LRRC63: variants seen among roughly 807,000 people sequenced by gnomAD.
The protein encoded by LRRC63 is leucine-rich repeat-containing protein 63.
Under a neutral mutation model 49.5 loss-of-function variants are expected in LRRC63, and 40 were observed. That is an observed-to-expected ratio of 0.81 (90% confidence interval 0.63 to 1.05). LRRC63 has a LOEUF of 1.05. Among genes scored for constraint, LRRC63 ranks in the 50% least tolerant of loss-of-function variants. The probability of loss-of-function intolerance (pLI) is 0.00; values close to 1 mark genes in which losing one functional copy is unlikely to be tolerated. For missense variants in LRRC63, 636 were observed against 663.1 expected (o/e 0.96, Z 0.45); for synonymous variants, 191 against 221.1 (o/e 0.86, Z 1.21).
At chr13:46,217,917 T>G (rs1002271166) in intron 2 of LRRC63, among the ~76,000 whole-genome samples, 2 of 152,216 alleles carry the variant, frequency 1.3e-5, no homozygotes, top group Non-Finnish European at 2.9e-5. Context: ...TTGTGCAGTT[T>G]TGAGTGAGTT....
At chr13:46,223,469 C>A (rs1464721890) in intron 2 of LRRC63, among the ~76,000 whole-genome samples, 1 of 146,392 alleles carries the variant, frequency 6.8e-6, no homozygotes, top group African/African-American at 2.6e-5. Context: ...CTCTTCTTGG[C>A]TGACAGTTTT....
intron 9 of LRRC63, among the ~76,000 whole-genome samples, chr13:46,273,801 A>T (rs2047793249): frequency 6.6e-6 from 1 of 151,386 alleles, no homozygotes; most frequent in Non-Finnish European, 1.5e-5. Flanking sequence ...AATCCTAGCT[A>T]CTTGGGAGGC....
intron 5 of LRRC63, among the ~76,000 whole-genome samples, chr13:46,235,473 T>A (rs1263859104): frequency 1.2e-4 from 19 of 152,034 alleles, no homozygotes; most frequent in Admixed American, 1.2e-3. Context: ...CAATAGTAGA[T>A]GTGATCAGGC....
chr13:46,274,956 T>A (rs2047813488), intron 9 of LRRC63, among the ~76,000 whole-genome samples: 1 of 152,132 alleles, frequency 6.6e-6, no homozygotes, highest in African/African-American at 2.4e-5. Flanking sequence ...TACCTGTGAT[T>A]TTTTTTCCAT....
intron 5 of LRRC63, among the ~76,000 whole-genome samples, chr13:46,245,733 G>T (rs1278348009): frequency 6.6e-6 from 1 of 152,140 alleles, no homozygotes; most frequent in Non-Finnish European, 1.5e-5. Flanking sequence ...AGAAGTTTCA[G>T]ATAGATGCTA....
rs116285442 is a variant in LRRC63, at chr13:46,246,693, C to T, written c.1089+68C>T. 3.7e-3 allele frequency: 2,661 copies of T among 726,080 alleles called. 63 individuals carry two copies. The African/African-American group carries it at 0.042, about 11-fold the overall frequency. 45.0% of individuals were successfully genotyped at this position (726,080 alleles called of 1,614,324 possible). On this transcript the variant is annotated intron_variant, in intron 6 of 9. Coordinates refer to ENST00000595396, the Ensembl canonical transcript of LRRC63. ...GAATAATAATTATAATAAAAATAGA[C>T]GTCTTTTAATACCTTGAAGTTACTA...
chr13:46,250,911 T>C (rs1449080022), intron 7 of LRRC63, among the ~76,000 whole-genome samples: 1 of 151,888 alleles, frequency 6.6e-6, no homozygotes, highest in Non-Finnish European at 1.5e-5. Context: ...TTGGCCTCAA[T>C]TTCCTAATCT....
intron 7 of LRRC63, among the ~76,000 whole-genome samples, chr13:46,252,582 G>A (rs1385552179): frequency 1.3e-5 from 2 of 152,074 alleles, no homozygotes; most frequent in East Asian, 1.9e-4. Context: ...TAATGGAGAT[G>A]TACACAGTAA....
exon 4 of LRRC63, chr13:46,228,714 C>T: frequency 6.5e-7 from 1 of 1,542,768 alleles, no homozygotes; most frequent in Admixed American, 2.0e-5. Flanking sequence ...CAAAGCAAAT[C>T]CCACCAAGAC....
chr13:46,239,400 A>C (rs115975761), intron 5 of LRRC63, among the ~76,000 whole-genome samples: 3,033 of 152,250 alleles, frequency 0.02, 101 homozygotes, highest in African/African-American at 0.069. Context: ...AGATGGATAA[A>C]TTCCCAGACA....
intron 5 of LRRC63, among the ~76,000 whole-genome samples, chr13:46,240,085 C>A (rs1280202698): frequency 6.6e-6 from 1 of 151,202 alleles, no homozygotes; most frequent in African/African-American, 2.4e-5. Flanking sequence ...CCCTTAAAAA[C>A]TGGAACAAGT....
intron 2 of LRRC63, among the ~76,000 whole-genome samples, chr13:46,221,587 A>G (rs1286782920): frequency 3.3e-5 from 5 of 152,214 alleles, no homozygotes; most frequent in South Asian, 2.1e-4. Context: ...TTTAATTTTT[A>G]TTTTCCCATT....
At chr13:46,274,411 C>G (rs2047803288) in intron 9 of LRRC63, among the ~76,000 whole-genome samples, 1 of 152,190 alleles carries the variant, frequency 6.6e-6, no homozygotes, top group Non-Finnish European at 1.5e-5. Context: ...TCGGTACTGT[C>G]CTACTTTCGC....
chr13:46,258,449 G>T (rs1473797108), intron 7 of LRRC63, among the ~76,000 whole-genome samples: 1 of 150,768 alleles, frequency 6.6e-6, no homozygotes, highest in Non-Finnish European at 1.5e-5. Flanking sequence ...CTTAACTTCA[G>T]TTTCCATCTG....
rs377038482 is a variant in LRRC63 at position 46,220,338 on chromosome 13, A to G, written c.86-7174A>G. On this transcript the variant is annotated intron_variant, in intron 2 of 9. Transcript: ENST00000595396. ...AGGAATCTAGAGAGGCAGTCTGGCTACCACAGTTTTGCTGAGCTGCAGTGG... is the reference window on the plus strand; with the variant it reads ...AGGAATCTAGAGAGGCAGTCTGGCTGCCACAGTTTTGCTGAGCTGCAGTGG... Among the ~76,000 whole-genome samples, 27 of 152,258 alleles carry G rather than the reference A, an allele frequency of 1.8e-4. 1 individual carries two copies. Among genetic ancestry groups the G allele is most frequent in the African/African-American group, 6.3e-4 (26 of 41,558 alleles).
chr13:46,232,061 G>T (rs529673411), intron 4 of LRRC63, among the ~76,000 whole-genome samples: 26 of 141,966 alleles, frequency 1.8e-4, no homozygotes, highest in Non-Finnish European at 3.4e-4. Context: ...GTGATCCGCC[G>T]GCCTCGGCCT....
chr13:46,245,500 A>G (rs756905518), intron 5 of LRRC63, among the ~76,000 whole-genome samples: 11 of 152,208 alleles, frequency 7.2e-5, no homozygotes, highest in Non-Finnish European at 1.5e-4. Context: ...GAAATATTGT[A>G]GTTCTCGTAC....
chr13:46,222,935 A>C (rs548649769), intron 2 of LRRC63, among the ~76,000 whole-genome samples: 2 of 151,960 alleles, frequency 1.3e-5, no homozygotes, highest in Admixed American at 1.3e-4. Flanking sequence ...ATTGGAAATC[A>C]TCATTCTCAG....
exon 3 of LRRC63, chr13:46,227,927 C>T (rs367767710): frequency 6.2e-5 from 96 of 1,550,442 alleles, no homozygotes; most frequent in African/African-American, 4.2e-4. Context: ...GCTCAGTTAT[C>T]GCTCAAAAAC....
Sources: allele counts gnomAD v4.1 joint callset (sites outside exome capture counted in the v4.1 genomes callset), GRCh38; gene constraint gnomAD v4.1.1; transcripts MANE v1.5; gene names NCBI Gene and HGNC (gene_info 2026-07-23, HGNC 2026-07-21).